Variants in EDIL3 observed in about 807,000 individuals in gnomAD.
EDIL3 encodes the protein EGF-like repeat and discoidin I-like domain-containing protein 3.
EDIL3 carries 37 observed loss-of-function variants against 67.4 expected under a neutral mutation model. The ratio of observed to expected loss-of-function variants is 0.55; its 90% CI spans 0.42 to 0.72. The LOEUF (loss-of-function observed/expected upper bound fraction) is 0.72. Ranked by LOEUF, EDIL3 falls within the 30% of genes least tolerant of loss-of-function variation. The pLI, the probability that EDIL3 is intolerant of heterozygous loss-of-function variation, is 0.00. For synonymous variants in EDIL3, 195 were observed against 196.3 expected (o/e 0.99, Z 0.05); for missense variants, 527 against 586.3 (o/e 0.90, Z 1.04).
chr5:84,106,551 AAG>A (rs1747466186), intron 6 of EDIL3, 96 bp downstream of exon 6: 5 of 1,389,172 alleles, frequency 3.6e-6, no homozygotes, highest in Non-Finnish European at 4.8e-6. Context: ...GACCATAAGG[AAG>A]AGTCACACTG....
At chr5:84,132,323 T>TTA (rs542083368) in intron 5 of EDIL3, among the ~76,000 whole-genome samples, 26 of 91,752 alleles carry the variant, frequency 2.8e-4, no homozygotes, top group South Asian at 1.5e-3. Flanking sequence ...TATATATATT[T>TTA]TATATAATAT....
chr5:84,148,108 A>G (rs1748320287), intron 4 of EDIL3, among the ~76,000 whole-genome samples: 1 of 152,134 alleles, frequency 6.6e-6, no homozygotes, highest in South Asian at 2.1e-4. Context: ...AAATTATGAG[A>G]AAAATATCTT....
intron 2 of EDIL3, among the ~76,000 whole-genome samples, chr5:84,249,364 T>A (rs1580397841): frequency 6.7e-6 from 1 of 150,322 alleles, no homozygotes; most frequent in African/African-American, 2.5e-5. Context: ...TCACAACACA[T>A]AACAACATAT....
intron 1 of EDIL3, among the ~76,000 whole-genome samples, chr5:84,283,120 T>C (rs538515601): frequency 6.6e-6 from 1 of 152,054 alleles, no homozygotes; most frequent in Non-Finnish European, 1.5e-5. Context: ...AGTATTCATA[T>C]ATAGGAGCAG....
intron 1 of EDIL3, among the ~76,000 whole-genome samples, chr5:84,380,545 T>A (rs962318940): frequency 6.6e-6 from 1 of 152,072 alleles, no homozygotes; most frequent in Non-Finnish European, 1.5e-5. Flanking sequence ...ACCTATTACA[T>A]CCTAATCTTA....
At chr5:84,137,186 C>CACACAT (rs879027473) in intron 5 of EDIL3, 55 bp downstream of exon 5, 2 of 460,816 alleles carry the variant, frequency 4.3e-6, no homozygotes, top group African/African-American at 3.8e-5. Flanking sequence ...TGTATACATA[C>CACACAT]ACACACACAC....
chr5:84,176,811 T>TTATA (rs1748924938), intron 4 of EDIL3, among the ~76,000 whole-genome samples: 5 of 108,602 alleles, frequency 4.6e-5, no homozygotes, highest in African/African-American at 1.4e-4. Context: ...CATTCTTCTA[T>TTATA]GATATATATA....
chr5:83,964,918 A>G (rs1480404720), intron 9 of EDIL3, among the ~76,000 whole-genome samples: 3 of 152,042 alleles, frequency 2.0e-5, no homozygotes, highest in Non-Finnish European at 4.4e-5. Flanking sequence ...GCTGTCTCAC[A>G]TTGTGCAAAT....
intron 9 of EDIL3, among the ~76,000 whole-genome samples, chr5:83,968,674 T>C (rs1277841228): frequency 6.6e-6 from 1 of 152,004 alleles, no homozygotes; most frequent in Non-Finnish European, 1.5e-5. Flanking sequence ...AAAATTGAGA[T>C]AATTTTGTAC....
intron 1 of EDIL3, among the ~76,000 whole-genome samples, chr5:84,371,344 T>TATATATATATATA (rs1241236284): frequency 3.8e-5 from 5 of 131,468 alleles, no homozygotes; most frequent in Admixed American, 2.4e-4. Context: ...TATATATATG[T>TATATATATATATA]GTGTGTGTAT....
chr5:84,067,382 T>C (rs1746663386), intron 6 of EDIL3, among the ~76,000 whole-genome samples: 1 of 152,144 alleles, frequency 6.6e-6, no homozygotes, highest in Non-Finnish European at 1.5e-5. Context: ...CTAAATCAAA[T>C]GCTACAATGT....
Position 84,115,650 on chromosome 5 carries a change from T to G in EDIL3, c.470-8820A>C, listed in dbSNP as rs939840849. Among the ~76,000 whole-genome samples the G allele has an allele frequency of 4.6e-5, 7 of 152,218 alleles. No homozygotes were observed. In the South Asian group the frequency reaches 6.2e-4, roughly 13 times the overall value. On this transcript the variant is annotated intron_variant, in intron 5 of 10. Coordinates refer to ENST00000296591, the MANE Select transcript of EDIL3 (RefSeq NM_005711.5). ...TTCATTGTAGTTTGCTTAAGATGTA[T>G]TCTTTTAAAATGGAAGAGTATTTGG...
At chr5:84,172,047 C>T (rs1290759974) in intron 4 of EDIL3, among the ~76,000 whole-genome samples, 1 of 151,992 alleles carries the variant, frequency 6.6e-6, no homozygotes, top group Non-Finnish European at 1.5e-5. Context: ...TTATCTGGAC[C>T]CCACATGATT....
intron 9 of EDIL3, among the ~76,000 whole-genome samples, chr5:84,057,582 T>C (rs1384095748): frequency 6.6e-6 from 1 of 152,166 alleles, no homozygotes; most frequent in Non-Finnish European, 1.5e-5. Flanking sequence ...AGTAAGAACC[T>C]GAAAACTTCA....
chr5:84,183,333 G>A (rs928163096), intron 3 of EDIL3, among the ~76,000 whole-genome samples: 1 of 151,930 alleles, frequency 6.6e-6, no homozygotes, highest in Non-Finnish European at 1.5e-5. Context: ...AACTGGGGAG[G>A]GGAGAATGAA....
intron 6 of EDIL3, among the ~76,000 whole-genome samples, chr5:84,079,898 A>C (rs796487935): frequency 6.6e-6 from 1 of 151,980 alleles, no homozygotes; most frequent in South Asian, 2.1e-4. Context: ...ATTTTATCAA[A>C]TGCATCATTA....
intron 9 of EDIL3, among the ~76,000 whole-genome samples, chr5:83,963,749 T>C (rs1040997478): frequency 6.6e-6 from 1 of 151,552 alleles, no homozygotes; most frequent in Non-Finnish European, 1.5e-5. Context: ...TTACTTATAG[T>C]TCAATTTTCT....
At chr5:84,151,889 C>A (rs1037188650) in intron 4 of EDIL3, among the ~76,000 whole-genome samples, 1 of 150,768 alleles carries the variant, frequency 6.6e-6, no homozygotes, top group African/African-American at 2.4e-5. Context: ...TAATAATTTT[C>A]TAGTTCTCTT....
chr5:84,211,209 C>T (rs1342514687), intron 3 of EDIL3, among the ~76,000 whole-genome samples: 2 of 152,108 alleles, frequency 1.3e-5, no homozygotes, highest in Non-Finnish European at 2.9e-5. Flanking sequence ...GAAGCAGATC[C>T]CTCATGAACA....
Sources: allele counts gnomAD v4.1 joint callset (sites outside exome capture counted in the v4.1 genomes callset), GRCh38; gene constraint gnomAD v4.1.1; transcripts MANE v1.5; gene names NCBI Gene and HGNC (gene_info 2026-07-23, HGNC 2026-07-21).